Variants in IL4R observed in about 807,000 individuals in gnomAD.
IL4R encodes interleukin-4 receptor subunit alpha.
IL4R carries 17 observed loss-of-function variants against 41.5 expected under a neutral mutation model. That is an observed-to-expected ratio of 0.41 (90% CI 0.28 to 0.61). IL4R has a LOEUF of 0.61. Among genes scored for constraint, IL4R ranks in the 20% least tolerant of loss-of-function variants. The pLI, the probability that IL4R is intolerant of heterozygous loss-of-function variation, is 0.31. For missense variants in IL4R, 974 were observed against 1,043.1 expected (o/e 0.93, Z 0.91); for synonymous variants, 402 against 422.9 (o/e 0.95, Z 0.61).
intron 7 of IL4R, chr16:27,354,132 C>G (rs3024622): frequency 0.32 from 48,597 of 152,172 alleles, 8,294 homozygotes; most frequent in East Asian, 0.47. Context: ...CACTTGGAAC[C>G]TACATCCCAG....
At position 27,363,795 on chromosome 16, in the gene IL4R, G is replaced by A. The variant is rs147700319; in HGVS notation, c.2443G>A (p.Val815Ile). 1.8e-4 allele frequency: 290 copies of A among 1,607,516 alleles called. No individual in the cohort carries two copies. The highest frequency in any genetic ancestry group is 2.4e-4 in the Non-Finnish European group (279 of 1,179,950). ...CCAGACCCCCAAAATCGTGAACTTT[G>A]TCTCCGTGGGACCCACATACATGAG... ...SSQTPKIVNF[V>I]SVGPTYMRVS is the part of the protein sequence containing the mutation. Residue 815 changes from valine to isoleucine, a missense_variant, in exon 11 of 11, where the codon GTC (valine) becomes ATC (isoleucine). Coordinates refer to ENST00000395762, the MANE Select transcript of IL4R (RefSeq NM_000418.4).
intron 1 of IL4R, among the ~76,000 whole-genome samples, chr16:27,328,413 G>A (rs1365814137): frequency 6.6e-6 from 1 of 151,718 alleles, no homozygotes; most frequent in Non-Finnish European, 1.5e-5. Context: ...CATCATGCCC[G>A]GCTAATTTTT....
chr16:27,316,214 T>A (rs2084644911), intron 1 of IL4R, among the ~76,000 whole-genome samples: 1 of 151,972 alleles, frequency 6.6e-6, no homozygotes, highest in Non-Finnish European at 1.5e-5. Flanking sequence ...AAAAAAAATT[T>A]AAAAACTTAG....
rs532529257 is a variant in IL4R at position 27,364,031 on chromosome 16, T to C, written c.*201T>C. Reference sequence around the variant, plus strand: ...GACCCCGCCCAGCATTGGGCTGGGCTCGCCACATCCCATGAGAGTAGAGGG... The same window carrying C: ...GACCCCGCCCAGCATTGGGCTGGGCCCGCCACATCCCATGAGAGTAGAGGG... On this transcript the variant is annotated 3_prime_UTR_variant, in exon 11 of 11. Transcript: ENST00000395762. The C allele has an allele frequency of 1.6e-6, 1 of 619,492 alleles. No homozygotes were observed. The highest frequency in any genetic ancestry group is 2.8e-5 in the East Asian group (1 of 35,782). 38.4% of individuals were successfully genotyped at this position (619,492 alleles called of 1,614,324 possible).
At position 27,325,022 on chromosome 16, in the gene IL4R, G is replaced by A. The variant is rs576472143; in HGVS notation, c.-151-5044G>A. On this transcript the variant is annotated intron_variant, in intron 1 of 10. Transcript: ENST00000395762. ...TCTTCGCCAGCTCTCAGCTCAGCCC[G>A]CTCCTCTCCTGCTTAAGAGCCTTCA... is the stretch of plus-strand genomic sequence containing the variant. 3.3e-5 allele frequency among the ~76,000 whole-genome samples: 5 copies of A among 152,118 alleles called. No individual in the cohort carries two copies. In the South Asian group the frequency reaches 6.2e-4, roughly 19 times the overall value.
chr16:27,342,386 G>A (rs2085471993), intron 4 of IL4R, 127 bp downstream of exon 4: 2 of 1,138,818 alleles, frequency 1.8e-6, no homozygotes, highest in Admixed American at 2.0e-5. Context: ...TGTTTATATG[G>A]TGTTAGAGGG....
chr16:27,356,412 C>T lies in IL4R; in HGVS notation c.770+505C>T, dbSNP rs561042849. The stretch of plus-strand genomic sequence containing the variant: ...AACCAGGACTCCACATTTCTAAAAC[C>T]GGCATCCTACTGGGGAGACTGAAAA... On this transcript the variant is annotated intron_variant, in intron 8 of 10. Transcript: ENST00000395762. Among the ~76,000 whole-genome samples, 21 of 152,200 alleles carry T rather than the reference C, an allele frequency of 1.4e-4. 1 individual carries two copies. Among genetic ancestry groups the T allele is most frequent in the Middle Eastern group, 3.4e-3 (1 of 294 alleles).
intron 2 of IL4R, among the ~76,000 whole-genome samples, chr16:27,336,159 G>A (rs983706348): frequency 2.0e-5 from 3 of 152,094 alleles, no homozygotes; most frequent in Non-Finnish European, 2.9e-5. Flanking sequence ...CCTACTGAAC[G>A]TTATAGCTTA....
intron 4 of IL4R, among the ~76,000 whole-genome samples, chr16:27,343,530 G>A (rs541152141): frequency 1.3e-5 from 2 of 152,130 alleles, no homozygotes; most frequent in Non-Finnish European, 2.9e-5. Context: ...GGGTTCAAGC[G>A]ATTCTCCTGT....
intron 8 of IL4R, among the ~76,000 whole-genome samples, chr16:27,357,892 G>A (rs554594910): frequency 8.8e-5 from 12 of 136,004 alleles, no homozygotes; most frequent in South Asian, 2.4e-4. Flanking sequence ...CATTTCTTTC[G>A]TTTTTTTTTT....
At chr16:27,314,921 A>G (rs1041836223) in intron 1 of IL4R, among the ~76,000 whole-genome samples, 2 of 151,872 alleles carry the variant, frequency 1.3e-5, no homozygotes, top group Non-Finnish European at 2.9e-5. Context: ...TGATCCTCCC[A>G]CCTCGGCCTC....
At chr16:27,329,287 A>G (rs1328838312) in intron 1 of IL4R, among the ~76,000 whole-genome samples, 1 of 151,406 alleles carries the variant, frequency 6.6e-6, no homozygotes, top group Non-Finnish European at 1.5e-5. Context: ...AGCCAATTAA[A>G]CCTCTTTTCT....
intron 1 of IL4R, among the ~76,000 whole-genome samples, chr16:27,325,901 C>T (rs1272969675): frequency 1.3e-5 from 2 of 152,140 alleles, no homozygotes; most frequent in Admixed American, 6.6e-5. Flanking sequence ...GTCACACGGG[C>T]TACCCCCACA....
chr16:27,356,084 CTTTTTTTTTTTTTTT>C (rs36125482), intron 8 of IL4R, among the ~76,000 whole-genome samples, 177 bp downstream of exon 8: 5 of 113,734 alleles, frequency 4.4e-5, no homozygotes, highest in African/African-American at 1.7e-4. Context: ...CCACTTTTTT[CTTTTTTTTTTTTTTT>C]TTTTTTTTTT....
At chr16:27,343,887 G>A (rs1348896953) in intron 4 of IL4R, among the ~76,000 whole-genome samples, 2 of 152,190 alleles carry the variant, frequency 1.3e-5, no homozygotes, top group Non-Finnish European at 2.9e-5. Context: ...GAGGGGTGAA[G>A]GAAGAGAAGT....
intron 4 of IL4R, among the ~76,000 whole-genome samples, chr16:27,342,463 C>T (rs993032963): frequency 2.0e-5 from 3 of 152,026 alleles, no homozygotes; most frequent in South Asian, 2.1e-4. Flanking sequence ...TGTTGGTCCA[C>T]GTGGCACATG....
At position 27,344,906 on chromosome 16, in the gene IL4R, G is replaced by C. The variant is rs781298536; in HGVS notation, c.247G>C (p.Gly83Arg). Residue 83 changes from glycine (G) to arginine (R), a missense_variant, in exon 5 of 11, where the codon GGG (glycine) becomes CGG (arginine). Physicochemically the swap from Gly to Arg is moderately radical, Grantham distance 125. Around this residue, in one of 3 missense-constraint regions of IL4R, gnomAD observed 284 missense variants for 313.4 expected, o/e 0.91. Transcript: ENST00000395762. ...TCIPENNGGA[G>R]CVCHLLMDDV... ...TATCCCTGAGAACAACGGAGGCGCG[G>C]GGTGCGTGTGCCACCTGCTCATGGA... 1 of 1,614,190 alleles carries C rather than the reference G, an allele frequency of 6.2e-7. No individual in the cohort carries two copies. Among genetic ancestry groups the C allele is most frequent in the Admixed American group, 1.7e-5 (1 of 60,020 alleles).
intron 7 of IL4R, among the ~76,000 whole-genome samples, chr16:27,353,303 A>T (rs1327642087): frequency 6.6e-6 from 1 of 152,214 alleles, no homozygotes; most frequent in Non-Finnish European, 1.5e-5. Context: ...CACCTGGGTG[A>T]CAGAGCAAGA....
intron 3 of IL4R, 51 bp from the exon 4 acceptor site, chr16:27,342,070 C>T (rs754863252): frequency 1.9e-6 from 3 of 1,599,614 alleles, no homozygotes; most frequent in Admixed American, 3.4e-5. Context: ...TGCAAGTCCC[C>T]CTCACGCATT....
Sources: allele counts gnomAD v4.1 joint callset (sites outside exome capture counted in the v4.1 genomes callset), GRCh38; gene constraint gnomAD v4.1.1; regional missense constraint gnomAD v4.1.1; transcripts MANE v1.5; gene names NCBI Gene and HGNC (gene_info 2026-07-23, HGNC 2026-07-21).